Variants in MRE11 observed in about 807,000 individuals in gnomAD.
The protein encoded by MRE11 is double-strand break repair protein MRE11.
MRE11 carries 62 observed loss-of-function variants against 91.7 expected under a neutral mutation model. The ratio of observed to expected loss-of-function variants is 0.68; its 90% confidence interval spans 0.55 to 0.84. MRE11 has a LOEUF of 0.84. MRE11 is among the 40% of genes least tolerant of loss of function. MRE11 has a pLI of 0.00. For synonymous variants in MRE11, 273 were observed against 271.4 expected (o/e 1.01, Z -0.06); for missense variants, 796 against 852.9 (o/e 0.93, Z 0.83).
chr11:94,436,542 C>T (rs530569), intron 17 of MRE11, among the ~76,000 whole-genome samples: 45,140 of 152,096 alleles, frequency 0.3, 7,034 homozygotes, highest in Middle Eastern at 0.4. Flanking sequence ...CATAGGACAA[C>T]CCTTCACAAC....
At chr11:94,449,748 C>T (rs1565214146) in intron 14 of MRE11, among the ~76,000 whole-genome samples, 1 of 152,184 alleles carries the variant, frequency 6.6e-6, no homozygotes, top group African/African-American at 2.4e-5. Context: ...TAGCCTATTG[C>T]TCCTTGGCTA....
intron 19 of MRE11, among the ~76,000 whole-genome samples, chr11:94,421,762 TA>T (rs1362979906): frequency 6.6e-6 from 1 of 152,204 alleles, no homozygotes; most frequent in Admixed American, 6.5e-5. Flanking sequence ...ACAACGTAGA[TA>T]AACCTTCAGG....
At chr11:94,459,855 T>C (rs989895061) in intron 12 of MRE11, among the ~76,000 whole-genome samples, 17 of 152,080 alleles carry the variant, frequency 1.1e-4, no homozygotes, top group Non-Finnish European at 2.1e-4. Context: ...ACCAGTGTCA[T>C]AGGCAAAATA....
intron 4 of MRE11, among the ~76,000 whole-genome samples, chr11:94,481,705 T>G (rs1470147466): frequency 6.6e-6 from 1 of 152,188 alleles, no homozygotes; most frequent in Non-Finnish European, 1.5e-5. Context: ...AATTCCTACA[T>G]GTATTTGAGG....
chr11:94,468,644 T>C (rs972486703), intron 9 of MRE11, among the ~76,000 whole-genome samples: 2 of 152,178 alleles, frequency 1.3e-5, no homozygotes, highest in African/African-American at 4.8e-5. Flanking sequence ...TTCTTTCACA[T>C]CTAAGACTTT....
chr11:94,459,662 AAT>A (rs1398101097), intron 12 of MRE11, 81 bp from the exon 13 acceptor site: 2 of 1,436,492 alleles, frequency 1.4e-6, no homozygotes, highest in South Asian at 2.4e-5. Context: ...AAAATTACCA[AAT>A]ATGTTACCAG....
In MRE11 at chr11:94,489,446, T is replaced by G. The variant is rs13447596; in HGVS notation, c.153+1387A>C. Among the ~76,000 whole-genome samples, 640 of 152,124 alleles carry G rather than the reference T, an allele frequency of 4.2e-3. 2 individuals are homozygous for G. The highest frequency in any genetic ancestry group is 6.8e-3 in the Non-Finnish European group (461 of 67,998). On this transcript the variant is annotated intron_variant, in intron 3 of 19. Coordinates refer to ENST00000323929, the MANE Select transcript of MRE11 (RefSeq NM_005591.4). Reference sequence around the variant, plus strand: ...TTCAATGGAAGGACACTTGGAAAATTTTAGGCAACAGAGTGCCATGATCTG... The same window carrying G: ...TTCAATGGAAGGACACTTGGAAAATGTTAGGCAACAGAGTGCCATGATCTG...
intron 14 of MRE11, among the ~76,000 whole-genome samples, chr11:94,454,126 T>C (rs1361082239): frequency 6.6e-6 from 1 of 150,522 alleles, no homozygotes; most frequent in Non-Finnish European, 1.5e-5. Context: ...CAGGTTGGAG[T>C]GCAGTGGCGT....
chr11:94,498,045 G>T (rs760641435), upstream of MRE11: 39 of 1,524,442 alleles, frequency 2.6e-5, no homozygotes, highest in Non-Finnish European at 3.3e-5. Flanking sequence ...GAGTTGAGTT[G>T]AAAGATTTCT....
Position 94,478,881 on chromosome 11 carries a change from GC to G in MRE11, c.403-6del. ...CAAGGCACAAAGTGCATCTGCCTAT[GC>G]AAAATAATTTCAAAGAATGTTAGTG... On this transcript the variant is annotated splice_polypyrimidine_tract_variant and splice_region_variant and intron_variant, in intron 5 of 19. Transcript: ENST00000323929. 6.2e-7 allele frequency: 1 copy of G among 1,613,512 alleles called. No individual in the cohort carries two copies. Among genetic ancestry groups the G allele is most frequent in the Admixed American group, 1.7e-5 (1 of 60,002 alleles).
intron 7 of MRE11, among the ~76,000 whole-genome samples, chr11:94,474,051 A>C (rs751461913): frequency 6.6e-6 from 1 of 152,130 alleles, no homozygotes; most frequent in Non-Finnish European, 1.5e-5. Context: ...ATATACACAT[A>C]TATCTATTCC....
At chr11:94,443,303 G>C (rs554537645) in intron 16 of MRE11, among the ~76,000 whole-genome samples, 1 of 152,304 alleles carries the variant, frequency 6.6e-6, no homozygotes, top group East Asian at 1.9e-4. Context: ...AGAGTGCAGA[G>C]AATGTGAGAT....
chr11:94,446,175 A>G (rs964986820), intron 15 of MRE11, among the ~76,000 whole-genome samples: 1 of 152,220 alleles, frequency 6.6e-6, no homozygotes, highest in African/African-American at 2.4e-5. Flanking sequence ...TGGGAGACAG[A>G]GGCGGGAGGA....
rs767339664 is a variant in MRE11 at position 94,471,567 on chromosome 11, C to T, written c.845+7G>A. The T allele has an allele frequency of 1.2e-6, 2 of 1,611,578 alleles. No homozygotes were observed. The highest frequency in any genetic ancestry group is 1.7e-6 in the Non-Finnish European group (2 of 1,178,476). On this transcript the variant is annotated splice_region_variant and intron_variant, in intron 8 of 19. Coordinates refer to ENST00000323929, the MANE Select transcript of MRE11 (RefSeq NM_005591.4). Reference sequence around the variant, plus strand: ...TTAAAAATTGGCTCAAAATATATAACACTCACTTCTTTACAGCTTCTCCTG... The same window carrying T: ...TTAAAAATTGGCTCAAAATATATAATACTCACTTCTTTACAGCTTCTCCTG...
intron 9 of MRE11, 152 bp from the exon 10 acceptor site, chr11:94,468,045 T>G (rs998862397): frequency 1.3e-5 from 9 of 667,938 alleles, no homozygotes; most frequent in Non-Finnish European, 1.6e-5. Flanking sequence ...TACCTTCTTG[T>G]AATGCTCCTT....
chr11:94,466,406 G>T, intron 10 of MRE11: 1 of 486,884 alleles, frequency 2.1e-6, no homozygotes. Context: ...GCTTCACTAT[G>T]CCAGCGACAG....
In MRE11 at chr11:94,429,999, A is replaced by G; in HGVS notation, c.1995-13T>C. On this transcript the variant is annotated splice_polypyrimidine_tract_variant and intron_variant, in intron 18 of 19. Transcript: ENST00000323929. ...TGTGCTGGACCACCTGAGGCAAAACAAAAACAAAAACAAACACAATGAACT... is the reference window on the plus strand; with the variant it reads ...TGTGCTGGACCACCTGAGGCAAAACGAAAACAAAAACAAACACAATGAACT... 1 of 1,609,398 alleles carries G rather than the reference A, an allele frequency of 6.2e-7. No homozygotes were observed. Among genetic ancestry groups the G allele is most frequent in the Non-Finnish European group, 8.5e-7 (1 of 1,176,362 alleles).
Position 94,421,932 on chromosome 11 carries a change from A to G in MRE11, c.2071-1751T>C, listed in dbSNP as rs543808310. On this transcript the variant is annotated intron_variant, in intron 19 of 19. Coordinates refer to ENST00000323929, the MANE Select transcript of MRE11 (RefSeq NM_005591.4). ...GAAACAGAGACTTGTTATTTCAGGGATATAGATTTTCAGTTTTGCAAAATG... is the reference window on the plus strand; with the variant it reads ...GAAACAGAGACTTGTTATTTCAGGGGTATAGATTTTCAGTTTTGCAAAATG... 8.5e-5 allele frequency among the ~76,000 whole-genome samples: 13 copies of G among 152,300 alleles called. 1 individual carries two copies. The highest frequency in any genetic ancestry group is 3.1e-4 in the African/African-American group (13 of 41,566).
Position 94,419,315 on chromosome 11 carries a change from C to T in MRE11, c.*810G>A, listed in dbSNP as rs1945101469. 4.3e-6 allele frequency: 1 copy of T among 232,820 alleles called. No individual in the cohort carries two copies. The highest frequency in any genetic ancestry group is 2.2e-5 in the African/African-American group (1 of 45,294). The allele number at this position is 232,820 out of a possible 1,614,324, so 14.4% of individuals were successfully genotyped here. ...ATACTTTACTGTAAGGTTCAACTGA[C>T]CACTCTACCTAAAACAAATTCTTCA... On this transcript the variant is annotated 3_prime_UTR_variant, in exon 20 of 20. Transcript: ENST00000323929.
Sources: gnomAD v4.1 joint callset for allele counts (sites outside exome capture counted in the v4.1 genomes callset) on GRCh38, gnomAD v4.1.1 for gene constraint, MANE v1.5 for transcripts, NCBI Gene and HGNC (gene_info 2026-07-23, HGNC 2026-07-21) for gene names.